The following NRG1 variants were observed in gnomAD, a reference collection of about 807,000 sequenced individuals.
NRG1 encodes neuregulin 1, also known as pro-neuregulin-1, membrane-bound isoform.
A neutral mutation model predicts 63.8 loss-of-function variants in NRG1; 18 were observed. The observed-to-expected ratio is 0.28, with a 90% CI of 0.19 to 0.42. NRG1 has a LOEUF of 0.42. Ranked by LOEUF, NRG1 falls within the 10% of genes least tolerant of loss-of-function variation. The probability of loss-of-function intolerance (pLI) is 1.00; values close to 1 mark genes in which losing one functional copy is unlikely to be tolerated. For synonymous variants in NRG1, 302 were observed against 301.3 expected (o/e 1.00, Z -0.02); for missense variants, 762 against 814.7 (o/e 0.94, Z 0.79).
chr8:32,254,130 C>CA (rs918095619), intron 1 of NRG1, among the ~76,000 whole-genome samples: 1 of 151,878 alleles, frequency 6.6e-6, no homozygotes, highest in African/African-American at 2.4e-5. Flanking sequence ...TTAATCTTTT[C>CA]AAAAAACCAG....
chr8:32,468,619 A>G (rs752754451), intron 1 of NRG1, among the ~76,000 whole-genome samples: 19 of 152,208 alleles, frequency 1.2e-4, no homozygotes, highest in Middle Eastern at 3.4e-3. Context: ...GAGATTTTCA[A>G]CTTTTCTGTT....
intron 1 of NRG1, among the ~76,000 whole-genome samples, chr8:31,985,984 G>GCAT (rs1563649752): frequency 5.5e-4 from 84 of 152,150 alleles, no homozygotes; most frequent in African/African-American, 1.9e-3. Context: ...AACTCTTTTA[G>GCAT]CAAATTGCAT....
At chr8:32,206,849 C>T (rs535984283) in intron 1 of NRG1, among the ~76,000 whole-genome samples, 6 of 152,298 alleles carry the variant, frequency 3.9e-5, no homozygotes, top group Non-Finnish European at 5.9e-5. Flanking sequence ...CACGTGTACA[C>T]GTTATTTAGC....
intron 1 of NRG1, among the ~76,000 whole-genome samples, chr8:32,344,470 C>T (rs549031970): frequency 1.0e-4 from 15 of 146,532 alleles, no homozygotes; most frequent in Non-Finnish European, 1.5e-4. Context: ...TCACTCTGCT[C>T]GCCCAGGCTG....
At chr8:31,764,925 T>G (rs1817912164) in intron 1 of NRG1, among the ~76,000 whole-genome samples, 1 of 127,980 alleles carries the variant, frequency 7.8e-6, no homozygotes, top group African/African-American at 3.0e-5. Context: ...GAGTGTGATA[T>G]TCCCCTTCCT....
chr8:32,078,153 T>G (rs1336039875), intron 1 of NRG1, among the ~76,000 whole-genome samples: 2 of 152,172 alleles, frequency 1.3e-5, no homozygotes, highest in Non-Finnish European at 2.9e-5. Context: ...TGCGACCTCC[T>G]CATGTTGGAG....
chr8:32,364,957 C>CTTTTTTTTTTTTT (rs372216683), intron 1 of NRG1, among the ~76,000 whole-genome samples: 3,284 of 108,106 alleles, frequency 0.03, 265 homozygotes, highest in Non-Finnish European at 0.045. Context: ...CCCTTTACTA[C>CTTTTTTTTTTTTT]TTTTTTTTTT....
intron 1 of NRG1, among the ~76,000 whole-genome samples, chr8:32,501,287 G>C (rs879727651): frequency 2.0e-5 from 3 of 152,208 alleles, no homozygotes; most frequent in Admixed American, 6.5e-5. Context: ...CTCATGAACA[G>C]CAAGGGCATT....
chr8:32,545,733 T>G (rs1317561565), upstream of NRG1, among the ~76,000 whole-genome samples: 3 of 152,260 alleles, frequency 2.0e-5, no homozygotes, highest in East Asian at 5.8e-4. Flanking sequence ...TTAAATAACA[T>G]AAAGACCTAA....
At chr8:32,230,820 C>G (rs968255179) in intron 1 of NRG1, among the ~76,000 whole-genome samples, 1 of 151,776 alleles carries the variant, frequency 6.6e-6, no homozygotes, top group African/African-American at 2.4e-5. Flanking sequence ...ATAATCTTAT[C>G]GGGGCAATTG....
chr8:31,933,457 T>C (rs1320887147), intron 1 of NRG1, among the ~76,000 whole-genome samples: 2 of 152,130 alleles, frequency 1.3e-5, no homozygotes, highest in African/African-American at 4.8e-5. Flanking sequence ...ATTTTTTGTA[T>C]GTTTAGTAGA....
rs144648042 is a variant in NRG1 at position 32,323,850 on chromosome 8, A to G, written c.38-271978A>G. Among the ~76,000 whole-genome samples, 1,113 of 152,114 alleles carry G rather than the reference A, an allele frequency of 7.3e-3. 14 individuals carry two copies. The highest frequency in any genetic ancestry group is 0.026 in the African/African-American group (1,065 of 41,424). ...TAGAGATGCCTCTGAATGAGCCCAC[A>G]TGGTGGGGCTTTGAGAAGCCTAGTG... is the stretch of plus-strand genomic sequence containing the variant. On this transcript the variant is annotated intron_variant, in intron 1 of 10. Transcript: ENST00000519301.
chr8:32,618,363 C>T (rs1847751706), intron 5 of NRG1, among the ~76,000 whole-genome samples: 1 of 152,120 alleles, frequency 6.6e-6, no homozygotes, highest in Non-Finnish European at 1.5e-5. Flanking sequence ...ACCATAGATA[C>T]TATCCTTAAG....
rs6983053 is a variant in NRG1, at chr8:32,218,107, T to A, written c.38-377721T>A. Among the ~76,000 whole-genome samples, 711 of 152,348 alleles carry A rather than the reference T, an allele frequency of 4.7e-3. 3 individuals carry two copies. The highest frequency in any genetic ancestry group is 0.016 in the African/African-American group (672 of 41,580). ...AAGTTCTTAAACAAAATAGTGGCGA[T>A]ATTAAGATCATGCTTGAGAAACCTA... On this transcript the variant is annotated intron_variant, in intron 1 of 10. Transcript: ENST00000519301.
intron 1 of NRG1, among the ~76,000 whole-genome samples, chr8:32,117,644 T>A (rs1421047478): frequency 6.6e-6 from 1 of 152,156 alleles, no homozygotes; most frequent in Non-Finnish European, 1.5e-5. Context: ...AATATTTGTT[T>A]TAAAAACAGT....
At chr8:32,736,813 G>A (rs1825185645) in intron 6 of NRG1, among the ~76,000 whole-genome samples, 1 of 151,970 alleles carries the variant, frequency 6.6e-6, no homozygotes. Context: ...CCATAAATGT[G>A]TGGTTTATAA....
chr8:32,287,931 T>G (rs963055533), intron 1 of NRG1, among the ~76,000 whole-genome samples: 1 of 152,174 alleles, frequency 6.6e-6, no homozygotes, highest in African/African-American at 2.4e-5. Flanking sequence ...AATAAACTGT[T>G]CAAAATTAAC....
chr8:32,548,946 G>T lies in NRG1; in HGVS notation c.100+120G>T, dbSNP rs1486135187. ...CCCTCGCCCGTCCTCTTCGCCCTGC[G>T]CTCTGAGCGCCCGTTGAGTCGCGCG... On this transcript the variant is annotated intron_variant, in intron 1 of 11. Coordinates refer to ENST00000356819, the Ensembl canonical transcript of NRG1. 1.3e-5 allele frequency: 17 copies of T among 1,300,932 alleles called. No homozygotes were observed. In the African/African-American group the frequency reaches 1.8e-4, roughly 14 times the overall value. The allele number at this position is 1,300,932 out of a possible 1,614,324, so 80.6% of individuals were successfully genotyped here.
intron 1 of NRG1, among the ~76,000 whole-genome samples, chr8:32,083,233 G>A (rs1268732664): frequency 6.6e-6 from 1 of 152,194 alleles, no homozygotes; most frequent in African/African-American, 2.4e-5. Context: ...CCAGGTGATG[G>A]TTAGGAAACA....
Sources: gnomAD v4.1 joint callset for allele counts (sites outside exome capture counted in the v4.1 genomes callset) on GRCh38, gnomAD v4.1.1 for gene constraint, MANE v1.5 for transcripts, NCBI Gene and HGNC (gene_info 2026-07-23, HGNC 2026-07-21) for gene names.